EDN1: variants seen among roughly 807,000 people sequenced by gnomAD.
EDN1 encodes endothelin 1, also known as endothelin-1.
Under a neutral mutation model 21.7 loss-of-function variants are expected in EDN1, and 11 were observed. The observed-to-expected ratio is 0.51, with a 90% CI of 0.32 to 0.84. The LOEUF (loss-of-function observed/expected upper bound fraction) is 0.84. Among genes scored for constraint, EDN1 ranks in the 40% least tolerant of loss-of-function variants. EDN1 has a pLI of 0.03. For missense variants in EDN1, 244 were observed against 262.3 expected (o/e 0.93, Z 0.48); for synonymous variants, 85 against 90.6 (o/e 0.94, Z 0.35).
chr6:12,293,254 C>G lies in EDN1; in HGVS notation c.234-687C>G, dbSNP rs896796401. Among the ~76,000 whole-genome samples, 8 of 152,288 alleles carry G rather than the reference C, an allele frequency of 5.3e-5. No individual in the cohort carries two copies. In the East Asian group the frequency reaches 1.5e-3, roughly 29 times the overall value. On this transcript the variant is annotated intron_variant, in intron 2 of 4. Transcript: ENST00000379375. ...GACCAAAATCCAAACAATATCAAAC[C>G]ACACCAAAAACCACAAGGAGCCTAA...
At chr6:12,242,950 T>C in the EDN1 span, among the ~76,000 whole-genome samples, 3 of 152,168 alleles carry the variant, frequency 2.0e-5, no homozygotes, top group Non-Finnish European at 4.4e-5. Flanking sequence ...TGCTAGAGTA[T>C]TCATTTGTAT....
At chr6:12,259,416 GAAA>G in the EDN1 span, among the ~76,000 whole-genome samples, 11 of 150,068 alleles carry the variant, frequency 7.3e-5, no homozygotes, top group Non-Finnish European at 1.3e-4. Flanking sequence ...TAAATAATTA[GAAA>G]GATTATTATA....
the EDN1 span, among the ~76,000 whole-genome samples, chr6:12,262,629 T>C: frequency 6.6e-6 from 1 of 152,152 alleles, no homozygotes; most frequent in Non-Finnish European, 1.5e-5. Context: ...CCCAGCACTT[T>C]GGGAGGCCAA....
upstream of EDN1, among the ~76,000 whole-genome samples, chr6:12,286,225 C>T (rs1417214051): frequency 1.3e-5 from 2 of 152,146 alleles, no homozygotes; most frequent in Admixed American, 1.3e-4. Context: ...CTATGATTAT[C>T]CTATGGATGA....
At position 12,296,192 on chromosome 6, in the gene EDN1, C is replaced by G; in HGVS notation, c.*125C>G. The G allele has an allele frequency of 1.2e-6, 1 of 853,420 alleles. No homozygotes were observed. Among genetic ancestry groups the G allele is most frequent in the Non-Finnish European group, 2.0e-6 (1 of 501,744 alleles). The allele number at this position is 853,420 out of a possible 1,614,324, so 52.9% of individuals were successfully genotyped here. On this transcript the variant is annotated 3_prime_UTR_variant, in exon 5 of 5. Transcript: ENST00000379375. The stretch of plus-strand genomic sequence containing the variant: ...CTGCTGGTTCCTGACTGGCAAAGGA[C>G]CAGCGTCCTCGTTCAAAACATTCCA...
rs970496140 is a variant in EDN1 at position 12,296,392 on chromosome 6, G to T, written c.*325G>T. 6.5e-5 allele frequency: 20 copies of T among 305,846 alleles called. No individual in the cohort carries two copies. The East Asian group carries it at 1.3e-3, about 19-fold the overall frequency. 18.9% of individuals were successfully genotyped at this position (305,846 alleles called of 1,614,324 possible). A position where few individuals can be genotyped will look rare whatever the true frequency, so the allele number is the denominator to read the frequency against. On this transcript the variant is annotated 3_prime_UTR_variant, in exon 5 of 5. Transcript: ENST00000379375. ...AGAGAGGAAGGAGATTCCACACAGG[G>T]GTGGAGTTTCTGACGAAGGTCCTAA...
the EDN1 span, among the ~76,000 whole-genome samples, chr6:12,243,570 C>G: frequency 1.9e-4 from 29 of 152,282 alleles, no homozygotes; most frequent in East Asian, 4.6e-3. Context: ...AACCCAATGT[C>G]TATACTGGTG....
At chr6:12,283,763 A>T in the EDN1 span, among the ~76,000 whole-genome samples, 1 of 152,170 alleles carries the variant, frequency 6.6e-6, no homozygotes, top group Non-Finnish European at 1.5e-5. Context: ...TCTCTTTCTC[A>T]TCATCATAAG....
chr6:12,280,549 A>G, the EDN1 span, among the ~76,000 whole-genome samples: 1 of 152,168 alleles, frequency 6.6e-6, no homozygotes, highest in African/African-American at 2.4e-5. Flanking sequence ...TCTCTACACA[A>G]TCTTCAGTGC....
chr6:12,292,021 AC>A (rs146039906), intron 1 of EDN1, among the ~76,000 whole-genome samples: 2,991 of 152,252 alleles, frequency 0.02, 47 homozygotes, highest in East Asian at 0.074. Context: ...CGGATTTTCA[AC>A]AGGCAGCATT....
At chr6:12,292,564 G>A in intron 2 of EDN1, 55 bp downstream of exon 2, 1 of 1,605,430 alleles carries the variant, frequency 6.2e-7, no homozygotes, top group Non-Finnish European at 8.5e-7. Context: ...TGGCTCCACT[G>A]GAGCCCAGTT....
the EDN1 span, among the ~76,000 whole-genome samples, chr6:12,257,339 C>T: frequency 6.6e-6 from 1 of 152,194 alleles, no homozygotes; most frequent in Admixed American, 6.5e-5. Flanking sequence ...AAGTTATTGA[C>T]AAACTAAATG....
At chr6:12,293,782 AG>A (rs1762750358) in intron 2 of EDN1, among the ~76,000 whole-genome samples, 158 bp from the exon 3 acceptor site, 2 of 152,246 alleles carry the variant, frequency 1.3e-5, no homozygotes, top group Non-Finnish European at 2.9e-5. Flanking sequence ...ATTGATGCAC[AG>A]GTGTTCCTGG....
chr6:12,287,341 A>C (rs1762572091), upstream of EDN1, among the ~76,000 whole-genome samples: 1 of 150,514 alleles, frequency 6.6e-6, no homozygotes, highest in African/African-American at 2.5e-5. Flanking sequence ...AGCTCTTTTC[A>C]CCTCTAGTTC....
chr6:12,265,655 C>A, the EDN1 span, among the ~76,000 whole-genome samples: 1 of 152,186 alleles, frequency 6.6e-6, no homozygotes, highest in South Asian at 2.1e-4. Flanking sequence ...TGAAGACACC[C>A]AGTCTGTAAT....
chr6:12,252,083 A>C, the EDN1 span, among the ~76,000 whole-genome samples: 1 of 152,194 alleles, frequency 6.6e-6, no homozygotes, highest in Non-Finnish European at 1.5e-5. Flanking sequence ...TGTATGTGTA[A>C]GGATGTAATT....
At chr6:12,281,019 C>T in the EDN1 span, among the ~76,000 whole-genome samples, 1 of 152,190 alleles carries the variant, frequency 6.6e-6, no homozygotes, top group Non-Finnish European at 1.5e-5. Flanking sequence ...TTGCAAATTA[C>T]ATTTTCTCCA....
the EDN1 span, among the ~76,000 whole-genome samples, chr6:12,235,547 G>A: frequency 3.1e-3 from 471 of 152,294 alleles, 2 homozygotes; most frequent in African/African-American, 0.011. Context: ...AGTATGTAAT[G>A]CCAAGACAGT....
chr6:12,246,232 C>T, the EDN1 span, among the ~76,000 whole-genome samples: 1 of 152,156 alleles, frequency 6.6e-6, no homozygotes, highest in African/African-American at 2.4e-5. Flanking sequence ...GTTTGCCTGA[C>T]TCAAGCCACC....
Sources: allele counts gnomAD v4.1 joint callset (sites outside exome capture counted in the v4.1 genomes callset), GRCh38; gene constraint gnomAD v4.1.1; transcripts MANE v1.5; gene names NCBI Gene and HGNC (gene_info 2026-07-23, HGNC 2026-07-21).